Variants in SNRNP200 observed in about 807,000 individuals in gnomAD.
The protein encoded by SNRNP200 is small nuclear ribonucleoprotein U5 subunit 200.
In SNRNP200, 66 loss-of-function variants were observed where a neutral mutation model predicts 255.2. The ratio of observed to expected loss-of-function variants is 0.26; its 90% CI spans 0.21 to 0.32. SNRNP200 has a LOEUF of 0.32. Among genes scored for constraint, SNRNP200 ranks in the 10% least tolerant of loss-of-function variants. The pLI, the probability that SNRNP200 is intolerant of heterozygous loss-of-function variation, is 1.00. For synonymous variants in SNRNP200, 939 were observed against 1,027.8 expected, an observed-to-expected ratio of 0.91 and a Z score of 1.65; for missense variants, 1,585 against 2,749.8, an observed-to-expected ratio of 0.58 and a Z score of 9.47.
Position 96,297,059 on chromosome 2 carries a change from T to C in SNRNP200, c.1389A>G (p.Pro463=), listed in dbSNP as rs1325527659. 3 of 1,614,086 alleles carry C rather than the reference T, an allele frequency of 1.9e-6. No individual in the cohort carries two copies. Among genetic ancestry groups the C allele is most frequent in the African/African-American group, 1.3e-5 (1 of 74,936 alleles). The change falls in exon 12 of 45, where the codon CCA becomes CCG. Residue 463 remains proline (P), a synonymous_variant. Transcript: ENST00000323853. ...KPFGSEEQLL[P]VEKLPKYAQA... ...GGGCATACTTTGGCAGCTTTTCCACTGGAAGCAGTTGCTAGAAGAAAAGAA... is the reference window on the plus strand; with the variant it reads ...GGGCATACTTTGGCAGCTTTTCCACCGGAAGCAGTTGCTAGAAGAAAAGAA...
At position 96,290,853 on chromosome 2, in the gene SNRNP200, C is replaced by T. The variant is rs75851655; in HGVS notation, c.2422-38G>A. ...AACAAGGTAATGAGGAGAACAGATG[C>T]CATCACCAGGGGTTAATATCCCTGG... On this transcript the variant is annotated intron_variant, in intron 18 of 44. Transcript: ENST00000323853. The surrounding 1 kb of genome is among the most constrained non-coding windows in gnomAD (Gnocchi z 4.5). The T allele has an allele frequency of 3.3e-4, 527 of 1,613,486 alleles. 1 individual carries two copies. The African/African-American group carries it at 6.5e-3, about 20-fold the overall frequency.
rs780599979 is a variant in SNRNP200, at chr2:96,278,510, C to T, written c.5488+37G>A. The T allele has an allele frequency of 8.7e-6, 14 of 1,612,836 alleles. No homozygotes were observed. Among genetic ancestry groups the T allele is most frequent in the Non-Finnish European group, 1.1e-5 (13 of 1,179,986 alleles). On this transcript the variant is annotated intron_variant, in intron 38 of 44. Coordinates refer to ENST00000323853, the MANE Select transcript of SNRNP200 (RefSeq NM_014014.5). The surrounding 1 kb of genome is among the most constrained non-coding windows in gnomAD (Gnocchi z 6.9). ...TGGGCTCCTGACCCGTGTAAAAAGG[C>T]TCCCACAGACAGGACACGGGCCATG...
chr2:96,279,345 G>T, intron 36 of SNRNP200, 106 bp downstream of exon 36: 1 of 805,492 alleles, frequency 1.2e-6, no homozygotes, highest in Non-Finnish European at 2.1e-6. Context: ...AATAAGAGAG[G>T]CAGAAGTTAA....
intron 6 of SNRNP200, 72 bp from the exon 7 acceptor site, chr2:96,299,039 C>A: frequency 1.3e-6 from 2 of 1,592,248 alleles, no homozygotes; most frequent in East Asian, 4.5e-5. Context: ...CACCCTGCAA[C>A]CAAGTTCTAC....
intron 5 of SNRNP200, among the ~76,000 whole-genome samples, chr2:96,300,590 C>T (rs1269982137): frequency 6.6e-6 from 1 of 152,010 alleles, no homozygotes; most frequent in Non-Finnish European, 1.5e-5. Context: ...GGTGAAACCC[C>T]GTCTCCACTA....
intron 3 of SNRNP200, among the ~76,000 whole-genome samples, chr2:96,302,017 C>T (rs1360315693): frequency 1.3e-5 from 2 of 152,298 alleles, no homozygotes; most frequent in East Asian, 3.9e-4. Context: ...ATTCTTTGTC[C>T]TCACTTCCTC....
At position 96,275,295 on chromosome 2, in the gene SNRNP200, T is replaced by C; in HGVS notation, c.6229A>G (p.Ile2077Val). The C allele has an allele frequency of 6.2e-7, 1 of 1,614,130 alleles. No individual in the cohort carries two copies. Among genetic ancestry groups the C allele is most frequent in the Non-Finnish European group, 8.5e-7 (1 of 1,180,034 alleles). ...VIGDAKSNSL[I>V]SIKRLTLQQK... ...TGCAAGGTCAGCCTCTTGATGGAGA[T>C]GAGGCTATTGGACTTGGCATCTCCA... Residue 2077 changes from isoleucine (I) to valine (V), a missense_variant, in exon 44 of 45, where the codon ATC becomes GTC. This residue lies in a region of SNRNP200 where 279 missense variants were observed against 551.2 expected (regional missense o/e 0.51). Transcript: ENST00000323853.
intron 14 of SNRNP200, 125 bp downstream of exon 14, chr2:96,295,363 G>A: frequency 6.8e-7 from 1 of 1,471,528 alleles, no homozygotes; most frequent in Non-Finnish European, 9.5e-7. Flanking sequence ...TACGGAATTG[G>A]AGGACTAGTC....
At chr2:96,303,681 G>A (rs1488063266) in intron 2 of SNRNP200, among the ~76,000 whole-genome samples, 1 of 152,130 alleles carries the variant, frequency 6.6e-6, no homozygotes, top group East Asian at 1.9e-4. Flanking sequence ...CCTGAGGTCA[G>A]GAGTTCAAGA....
intron 14 of SNRNP200, 124 bp from the exon 15 acceptor site, chr2:96,293,633 G>T: frequency 1.2e-6 from 1 of 803,836 alleles, no homozygotes; most frequent in Non-Finnish European, 2.0e-6. Flanking sequence ...GGGATCCCAA[G>T]CCACAGATGC....
Position 96,283,177 on chromosome 2 carries a change from C to T in SNRNP200, c.4915+24G>A. The stretch of plus-strand genomic sequence containing the variant: ...ACCACTTGGTGATACCCTTGCTATG[C>T]TCCCCTTCCGTGGCCTGACTTACCT... On this transcript the variant is annotated intron_variant, in intron 34 of 44. Transcript: ENST00000323853. The surrounding 1 kb of genome is among the most constrained non-coding windows in gnomAD (Gnocchi z 4.7). 1 of 1,613,442 alleles carries T rather than the reference C, an allele frequency of 6.2e-7. No homozygotes were observed. Among genetic ancestry groups the T allele is most frequent in the Non-Finnish European group, 8.5e-7 (1 of 1,180,036 alleles).
intron 3 of SNRNP200, 146 bp downstream of exon 3, chr2:96,303,013 T>G (rs1429998034): frequency 1.2e-6 from 1 of 857,226 alleles, no homozygotes; most frequent in African/African-American, 1.7e-5. Flanking sequence ...GCCTCCATTC[T>G]GAACTACCTA....
At chr2:96,295,929 T>G (rs1195900409) in intron 13 of SNRNP200, among the ~76,000 whole-genome samples, 2 of 152,164 alleles carry the variant, frequency 1.3e-5, no homozygotes, top group Non-Finnish European at 2.9e-5. Flanking sequence ...GCAGAATGCT[T>G]GAGCCCAGGA....
chr2:96,286,823 C>T lies in SNRNP200; in HGVS notation c.3694G>A (p.Val1232Met). ...WILVEDVDSE[V>M]ILHHEYFLLK... ...AGAAAATACTCATGGTGCAGAATCA[C>T]CTCGCTGTCCACATCCTCCACCAGA... Residue 1232 changes from valine (V) to methionine (M), a missense_variant, in exon 28 of 45, where the codon GTG (valine) becomes ATG (methionine). By Grantham distance (21) the Val-to-Met change is conservative. Transcript: ENST00000323853. This position sits in a 1 kb window ranked among gnomAD's most constrained non-coding sequence, Gnocchi z 4.8. 6.2e-7 allele frequency: 1 copy of T among 1,614,210 alleles called. No individual in the cohort carries two copies. Among genetic ancestry groups the T allele is most frequent in the Non-Finnish European group, 8.5e-7 (1 of 1,180,036 alleles).
chr2:96,304,984 C>G lies in SNRNP200; in HGVS notation c.46-116G>C. ...TAACTAGTTGCTTATCATCACTAAT[C>G]GTAATAAAAATATATTTTCCTTAAG... On this transcript the variant is annotated intron_variant, in intron 1 of 44. Transcript: ENST00000323853. The G allele has an allele frequency of 3.5e-6, 4 of 1,149,372 alleles. No homozygotes were observed. In the South Asian group the frequency reaches 5.3e-5, roughly 15 times the overall value. 71.2% of individuals were successfully genotyped at this position (1,149,372 alleles called of 1,614,324 possible). A position where few individuals can be genotyped will look rare whatever the true frequency, so the allele number is the denominator to read the frequency against.
chr2:96,299,092 G>T, intron 6 of SNRNP200, 125 bp from the exon 7 acceptor site: 1 of 1,263,116 alleles, frequency 7.9e-7, no homozygotes, highest in Non-Finnish European at 1.1e-6. Context: ...CTTTCCAGAG[G>T]AAAAAACTCT....
chr2:96,276,442 GA>G, intron 43 of SNRNP200: 1 of 62,084 alleles, frequency 1.6e-5, no homozygotes, highest in Non-Finnish European at 3.2e-5. Context: ...TTTTTTTTTT[GA>G]GATGAAGTCT....
In SNRNP200 at chr2:96,274,932, C is replaced by A; in HGVS notation, c.*80G>T. 6.4e-7 allele frequency: 1 copy of A among 1,561,358 alleles called. No individual in the cohort carries two copies. Among genetic ancestry groups the A allele is most frequent in the Non-Finnish European group, 8.8e-7 (1 of 1,136,506 alleles). ...GACCTGAGGCCCACAGACCTGGTCC[C>A]CACAACCAGGATTCCTACAATGTAC... is the stretch of plus-strand genomic sequence containing the variant. On this transcript the variant is annotated 3_prime_UTR_variant, in exon 45 of 45. Coordinates refer to ENST00000323853, the MANE Select transcript of SNRNP200 (RefSeq NM_014014.5).
rs780657784 is a variant in SNRNP200 at position 96,286,967 on chromosome 2, G to A, written c.3639+39C>T. 1.2e-6 allele frequency: 2 copies of A among 1,614,066 alleles called. No homozygotes were observed. Among genetic ancestry groups the A allele is most frequent in the Non-Finnish European group, 8.5e-7 (1 of 1,179,924 alleles). ...TCCTCGGCCCAGCAACGTAGACTGA[G>A]CACCTCCAATCCAGCACCTCTGCCC... On this transcript the variant is annotated intron_variant, in intron 27 of 44. Coordinates refer to ENST00000323853, the MANE Select transcript of SNRNP200 (RefSeq NM_014014.5). The surrounding 1 kb of genome is among the most constrained non-coding windows in gnomAD (Gnocchi z 4.8).
Sources: allele counts gnomAD v4.1 joint callset (sites outside exome capture counted in the v4.1 genomes callset), GRCh38; gene constraint gnomAD v4.1.1; regional missense constraint gnomAD v4.1.1; non-coding constraint Gnocchi (gnomAD v3.1); transcripts MANE v1.5; gene names NCBI Gene and HGNC (gene_info 2026-07-23, HGNC 2026-07-21).